The following BTRC variants were observed in gnomAD, a reference collection of about 807,000 sequenced individuals.
BTRC encodes beta-transducin repeat containing E3 ubiquitin protein ligase, also known as F-box/WD repeat-containing protein 1A.
BTRC carries 42 observed loss-of-function variants against 85.5 expected under a neutral mutation model. The ratio of observed to expected loss-of-function variants is 0.49; its 90% CI spans 0.38 to 0.64. The LOEUF is 0.64. Among genes scored for constraint, BTRC ranks in the 30% least tolerant of loss-of-function variants. BTRC has a pLI of 0.00. For missense variants in BTRC, 594 were observed against 743.5 expected, an observed-to-expected ratio of 0.80 and a Z score of 2.34; for synonymous variants, 255 against 263.3, an observed-to-expected ratio of 0.97 and a Z score of 0.30.
chr10:101,383,444 A>G (rs1478836721), intron 1 of BTRC, among the ~76,000 whole-genome samples: 4 of 149,352 alleles, frequency 2.7e-5, no homozygotes, highest in Admixed American at 2.0e-4. Context: ...ATTGGTTGTG[A>G]ACACCTGCAC....
chr10:101,493,048 G>A (rs1325291586), intron 4 of BTRC, among the ~76,000 whole-genome samples: 1 of 152,048 alleles, frequency 6.6e-6, no homozygotes, highest in Non-Finnish European at 1.5e-5. Context: ...TGAAGTTGGA[G>A]GTTTCAATTG....
intron 2 of BTRC, among the ~76,000 whole-genome samples, chr10:101,431,703 T>A (rs1944408992): frequency 6.6e-6 from 1 of 152,200 alleles, no homozygotes; most frequent in Non-Finnish European, 1.5e-5. Context: ...GACTAAATTT[T>A]AGCTAAAAGA....
chr10:101,532,803 C>CGCGT (rs1210962180), intron 8 of BTRC, 149 bp from the exon 9 acceptor site: 30 of 621,112 alleles, frequency 4.8e-5, no homozygotes, highest in Middle Eastern at 2.9e-4. Flanking sequence ...CGTGTGCGCG[C>CGCGT]GCGCGCGCTT....
chr10:101,470,617 A>G (rs1945498715), intron 3 of BTRC, among the ~76,000 whole-genome samples: 1 of 152,154 alleles, frequency 6.6e-6, no homozygotes, highest in African/African-American at 2.4e-5. Flanking sequence ...GGCGCGAGCC[A>G]CCGCGCCTAG....
chr10:101,451,296 TC>T (rs1944949408), intron 2 of BTRC, among the ~76,000 whole-genome samples: 1 of 152,158 alleles, frequency 6.6e-6, no homozygotes, highest in African/African-American at 2.4e-5. Context: ...TTTTAATCCT[TC>T]CTTTCTTCCT....
chr10:101,415,885 A>G (rs1309137309), intron 1 of BTRC, among the ~76,000 whole-genome samples: 2 of 152,182 alleles, frequency 1.3e-5, no homozygotes, highest in Non-Finnish European at 2.9e-5. Context: ...TTTTCTGTTT[A>G]GATACACAAA....
intron 1 of BTRC, among the ~76,000 whole-genome samples, chr10:101,426,863 G>A (rs548388973): frequency 6.6e-6 from 1 of 152,250 alleles, no homozygotes; most frequent in Middle Eastern, 3.4e-3. Flanking sequence ...TAAAAGTGTC[G>A]CCTGCCCTCT....
At chr10:101,429,982 C>T (rs1321423731) in intron 1 of BTRC, among the ~76,000 whole-genome samples, 2 of 151,750 alleles carry the variant, frequency 1.3e-5, no homozygotes, top group African/African-American at 4.8e-5. Flanking sequence ...AGTATTACAC[C>T]CTGTGGTGAG....
chr10:101,407,521 T>A (rs1943658345), intron 1 of BTRC, among the ~76,000 whole-genome samples: 1 of 152,046 alleles, frequency 6.6e-6, no homozygotes, highest in Admixed American at 6.6e-5. Flanking sequence ...CAAGTGATTC[T>A]CGTGGACTAC....
intron 1 of BTRC, among the ~76,000 whole-genome samples, chr10:101,428,796 G>C (rs1944324785): frequency 6.6e-6 from 1 of 152,154 alleles, no homozygotes; most frequent in Non-Finnish European, 1.5e-5. Context: ...GATATACATA[G>C]ATCTCCTTTG....
chr10:101,450,705 G>A (rs1009966231), intron 2 of BTRC, among the ~76,000 whole-genome samples: 4 of 152,138 alleles, frequency 2.6e-5, no homozygotes, highest in Admixed American at 6.5e-5. Context: ...CAAAATCTTC[G>A]TGTATAAAAT....
rs1946412159 is a variant in BTRC, at chr10:101,502,061, C to A, written c.325-19578C>A. Among the ~76,000 whole-genome samples the A allele has an allele frequency of 2.6e-5, 4 of 152,232 alleles. 1 individual carries two copies. In the South Asian group the frequency reaches 8.3e-4, roughly 32 times the overall value. On this transcript the variant is annotated intron_variant, in intron 4 of 14. Coordinates refer to ENST00000370187, the MANE Select transcript of BTRC (RefSeq NM_033637.4). ...CATGTAGGGGACATATAAATAACCT[C>A]CAAAGTTACAGGGTAGTAGAGTTTT... is the stretch of plus-strand genomic sequence containing the variant.
intron 1 of BTRC, among the ~76,000 whole-genome samples, chr10:101,381,364 G>GT (rs1362578751): frequency 6.6e-6 from 1 of 152,190 alleles, no homozygotes; most frequent in African/African-American, 2.4e-5. Flanking sequence ...TAGCTCCAGA[G>GT]TGAGTGTGGT....
intron 4 of BTRC, among the ~76,000 whole-genome samples, chr10:101,516,288 CTATTA>C (rs1262205048): frequency 1.3e-5 from 2 of 152,060 alleles, no homozygotes; most frequent in African/African-American, 4.8e-5. Context: ...GAAATAGAAC[CTATTA>C]TATTATTTTC....
intron 12 of BTRC, 26 bp downstream of exon 12, chr10:101,536,679 AAG>A (rs1324285371): frequency 9.1e-6 from 14 of 1,533,934 alleles, no homozygotes; most frequent in African/African-American, 6.8e-5. Context: ...GAGTGTAAAA[AAG>A]AGAAAATCTA....
chr10:101,467,195 T>TAAA (rs35514260), intron 3 of BTRC, among the ~76,000 whole-genome samples: 1 of 146,886 alleles, frequency 6.8e-6, no homozygotes. Flanking sequence ...TTTCTTCCTT[T>TAAA]AAAAAAAAAA....
intron 1 of BTRC, among the ~76,000 whole-genome samples, chr10:101,369,364 C>T (rs1220993876): frequency 6.6e-6 from 1 of 151,954 alleles, no homozygotes; most frequent in East Asian, 1.9e-4. Flanking sequence ...GAGGCATGAG[C>T]CTCATTATTT....
At chr10:101,534,965 A>C (rs575070980) in intron 10 of BTRC, 55 bp downstream of exon 10, 4 of 1,572,338 alleles carry the variant, frequency 2.5e-6, no homozygotes. Context: ...ATTCATATGA[A>C]AATTTGATCA....
At chr10:101,435,979 A>C (rs1395309017) in intron 2 of BTRC, among the ~76,000 whole-genome samples, 2 of 152,110 alleles carry the variant, frequency 1.3e-5, no homozygotes, top group Non-Finnish European at 2.9e-5. Context: ...AATTTGTTGG[A>C]TTATTCCCAG....
Sources: allele counts gnomAD v4.1 joint callset (sites outside exome capture counted in the v4.1 genomes callset), GRCh38; gene constraint gnomAD v4.1.1; transcripts MANE v1.5; gene names NCBI Gene and HGNC (gene_info 2026-07-23, HGNC 2026-07-21).